Variants in ARHGAP20 observed in about 807,000 individuals in gnomAD.
The protein encoded by ARHGAP20 is rho GTPase-activating protein 20.
In ARHGAP20, 34 loss-of-function variants were observed where a neutral mutation model predicts 73.7. The ratio of observed to expected loss-of-function variants is 0.46; its 90% confidence interval spans 0.35 to 0.61. The LOEUF (loss-of-function observed/expected upper bound fraction) is 0.61. ARHGAP20 is among the 20% of genes least tolerant of loss of function. The pLI is 0.00. For missense variants in ARHGAP20, 1,314 were observed against 1,420.9 expected (o/e 0.92, Z 1.21); for synonymous variants, 523 against 518.2 (o/e 1.01, Z -0.13).
intron 1 of ARHGAP20, among the ~76,000 whole-genome samples, chr11:110,710,151 G>GT (rs1950619793): frequency 1.3e-5 from 2 of 152,214 alleles, no homozygotes; most frequent in African/African-American, 4.8e-5. Flanking sequence ...GTTGCAAACA[G>GT]TAAGTGCTAA....
In ARHGAP20 at chr11:110,580,693, C is replaced by G; in HGVS notation, c.2253G>C (p.Glu751Asp). Residue 751 changes from glutamate to aspartate, a missense_variant, in exon 15 of 15, where the codon GAG (glutamate) becomes GAC (aspartate). Glu to Asp is a conservative substitution (Grantham distance 45). Transcript: ENST00000683387. ...TCTGTTTAAAACATGTCTTTCCTTC[C>G]TCCTGGAGGGGTTGATTCTGCTTCA... The part of the protein sequence containing the change: ...DYLKQNQPLQ[E>D]EGKTCFKQSL... 6.2e-7 allele frequency: 1 copy of G among 1,613,940 alleles called. No homozygotes were observed. Among genetic ancestry groups the G allele is most frequent in the Non-Finnish European group, 8.5e-7 (1 of 1,179,870 alleles).
chr11:110,652,028 AG>A (rs1949367085), intron 2 of ARHGAP20, among the ~76,000 whole-genome samples: 1 of 152,134 alleles, frequency 6.6e-6, no homozygotes, highest in African/African-American at 2.4e-5. Flanking sequence ...CACATCAAAA[AG>A]CTTATCCACC....
intron 2 of ARHGAP20, among the ~76,000 whole-genome samples, chr11:110,662,816 C>A (rs1949643650): frequency 6.6e-6 from 1 of 151,830 alleles, no homozygotes; most frequent in African/African-American, 2.4e-5. Flanking sequence ...AAATGATGAA[C>A]AACCTAGTAG....
chr11:110,583,195 TAATTTTGCCC>T lies in ARHGAP20; in HGVS notation c.1605+343_1605+352del, dbSNP rs779399364. On this transcript the variant is annotated intron_variant, in intron 13 of 14. Transcript: ENST00000683387. The stretch of plus-strand genomic sequence containing the variant: ...TAGATGAGGACACTGTGGGTCAATG[TAATTTTGCCC>T]AAGACTGTACATCTGGCAAGGGGTG... Among the ~76,000 whole-genome samples the T allele has an allele frequency of 1.2e-3, 184 of 152,306 alleles. 1 individual carries two copies. Among genetic ancestry groups the T allele is most frequent in the Non-Finnish European group, 2.2e-3 (150 of 68,022 alleles).
intron 3 of ARHGAP20, among the ~76,000 whole-genome samples, chr11:110,625,002 AG>A (rs1288256971): frequency 2.1e-5 from 3 of 146,092 alleles, no homozygotes; most frequent in Non-Finnish European, 4.5e-5. Flanking sequence ...GAAAATACAC[AG>A]GATTTATTTT....
intron 2 of ARHGAP20, among the ~76,000 whole-genome samples, chr11:110,648,213 ATATATATG>A (rs1390619234): frequency 0.013 from 766 of 57,988 alleles, 7 homozygotes; most frequent in Middle Eastern, 0.025. Flanking sequence ...ATATGTAAAT[ATATATATG>A]TATATATATA....
At chr11:110,596,556 C>G (rs773030033) in intron 9 of ARHGAP20, among the ~76,000 whole-genome samples, 2,778 of 152,192 alleles carry the variant, frequency 0.018, 28 homozygotes, top group Admixed American at 0.031. Context: ...ATCATCACTG[C>G]CCATCAGAGA....
chr11:110,610,715 G>C (rs1448555506), intron 7 of ARHGAP20, among the ~76,000 whole-genome samples: 1 of 152,068 alleles, frequency 6.6e-6, no homozygotes, highest in Non-Finnish European at 1.5e-5. Context: ...AAAGCTAAAA[G>C]TAAAACATGG....
intron 1 of ARHGAP20, among the ~76,000 whole-genome samples, chr11:110,693,115 T>G (rs1488561010): frequency 6.6e-6 from 1 of 152,056 alleles, no homozygotes; most frequent in Non-Finnish European, 1.5e-5. Flanking sequence ...GGAAATCTAC[T>G]GTAGAAGATC....
At chr11:110,595,404 A>G (rs1395334359) in intron 9 of ARHGAP20, among the ~76,000 whole-genome samples, 1 of 152,228 alleles carries the variant, frequency 6.6e-6, no homozygotes, top group Non-Finnish European at 1.5e-5. Context: ...CCATGGTCTC[A>G]GCCCCAAATC....
chr11:110,589,946 C>A (rs562039608), intron 11 of ARHGAP20, among the ~76,000 whole-genome samples: 35 of 152,190 alleles, frequency 2.3e-4, no homozygotes, highest in African/African-American at 7.9e-4. Flanking sequence ...CATGGTGAAA[C>A]CCCATCTCTA....
rs1164830607 is a variant in ARHGAP20 at position 110,619,955 on chromosome 11, C to T, written c.503+4207G>A. On this transcript the variant is annotated intron_variant, in intron 4 of 14. Coordinates refer to ENST00000683387, the MANE Select transcript of ARHGAP20 (RefSeq NM_001384657.1). ...TGCCTGCTCTTCCCTCAATTTGACT[C>T]AATTGGGAGGTTTTCAAAGATTCTG... is the stretch of plus-strand genomic sequence containing the variant. Among the ~76,000 whole-genome samples, 3 of 152,170 alleles carry T rather than the reference C, an allele frequency of 2.0e-5. No individual in the cohort carries two copies. The East Asian group carries it at 5.8e-4, about 29-fold the overall frequency.
chr11:110,639,877 G>A (rs1187838263), intron 2 of ARHGAP20, among the ~76,000 whole-genome samples: 2 of 151,960 alleles, frequency 1.3e-5, no homozygotes, highest in Non-Finnish European at 2.9e-5. Flanking sequence ...TAGCTATTGT[G>A]AATAGTGCTA....
At chr11:110,672,511 C>T (rs1036700677) in intron 2 of ARHGAP20, among the ~76,000 whole-genome samples, 1 of 151,942 alleles carries the variant, frequency 6.6e-6, no homozygotes, top group Non-Finnish European at 1.5e-5. Context: ...GAGTCTTGTT[C>T]TTGGCTCACT....
chr11:110,697,810 G>T (rs1352630671), intron 1 of ARHGAP20, among the ~76,000 whole-genome samples: 3 of 151,810 alleles, frequency 2.0e-5, no homozygotes, highest in Admixed American at 2.0e-4. Context: ...GGACCATGCT[G>T]TTTTAGTTGC....
chr11:110,642,242 A>G (rs1356554157), intron 2 of ARHGAP20, among the ~76,000 whole-genome samples: 1 of 152,026 alleles, frequency 6.6e-6, no homozygotes, highest in African/African-American at 2.4e-5. Flanking sequence ...GTGAAGAGAG[A>G]TAGTTTGACG....
chr11:110,614,710 T>A, intron 5 of ARHGAP20, 65 bp from the exon 6 acceptor site: 1 of 1,071,094 alleles, frequency 9.3e-7, no homozygotes, highest in Non-Finnish European at 1.4e-6. Context: ...ATGGCTTATT[T>A]TAAAAATCAA....
intron 6 of ARHGAP20, among the ~76,000 whole-genome samples, chr11:110,613,339 T>A (rs1948410984): frequency 6.6e-6 from 1 of 152,192 alleles, no homozygotes; most frequent in Admixed American, 6.5e-5. Context: ...GCACTCCTAT[T>A]TGGGGGAATC....
chr11:110,624,022 T>C, intron 4 of ARHGAP20, 140 bp downstream of exon 4: 1 of 1,191,028 alleles, frequency 8.4e-7, no homozygotes, highest in South Asian at 1.5e-5. Flanking sequence ...GATGAGTTAT[T>C]GATTTAATAT....
Sources: allele counts gnomAD v4.1 joint callset (sites outside exome capture counted in the v4.1 genomes callset), GRCh38; gene constraint gnomAD v4.1.1; transcripts MANE v1.5; gene names NCBI Gene and HGNC (gene_info 2026-07-23, HGNC 2026-07-21).